Variants in NBEAL1 observed in about 807,000 individuals in gnomAD.
NBEAL1 encodes neurobeachin like 1.
A neutral mutation model predicts 351.3 loss-of-function variants in NBEAL1; 273 were observed. That is an observed-to-expected ratio of 0.78 (90% CI 0.70 to 0.86). The LOEUF (loss-of-function observed/expected upper bound fraction) is 0.86, where lower values mean the gene tolerates loss of function less well. Among genes scored for constraint, NBEAL1 ranks in the 40% least tolerant of loss-of-function variants. NBEAL1 has a pLI of 0.00. For synonymous variants in NBEAL1, 1,050 were observed against 1,086.4 expected, an observed-to-expected ratio of 0.97 and a Z score of 0.66; for missense variants, 2,961 against 3,201.3, an observed-to-expected ratio of 0.92 and a Z score of 1.81.
intron 24 of NBEAL1, among the ~76,000 whole-genome samples, chr2:203,129,930 G>T (rs1251387775): frequency 2.6e-5 from 4 of 152,228 alleles, no homozygotes; most frequent in Non-Finnish European, 5.9e-5. Context: ...GGTGCAGTGA[G>T]CTGGGTGGAT....
intron 21 of NBEAL1, 62 bp downstream of exon 21, chr2:203,126,155 A>G: frequency 7.1e-7 from 1 of 1,411,364 alleles, no homozygotes; most frequent in Admixed American, 3.0e-5. Context: ...TGATGTTGGG[A>G]TTTTTTCTTC....
chr2:203,151,322 ACT>A (rs1343616759), intron 34 of NBEAL1, 141 bp from the exon 35 acceptor site: 8 of 531,064 alleles, frequency 1.5e-5, no homozygotes, highest in Admixed American at 4.0e-5. Context: ...ACAGAATGAG[ACT>A]CTGTCTCTGA....
At chr2:203,073,209 G>A (rs1372944510) in intron 7 of NBEAL1, among the ~76,000 whole-genome samples, 1 of 152,022 alleles carries the variant, frequency 6.6e-6, no homozygotes, top group African/African-American at 2.4e-5. Flanking sequence ...AGTGTGAAAA[G>A]GTTTTAAATT....
At chr2:203,097,205 C>T (rs925967589) in intron 10 of NBEAL1, among the ~76,000 whole-genome samples, 6 of 152,152 alleles carry the variant, frequency 3.9e-5, no homozygotes, top group African/African-American at 1.4e-4. Context: ...TGGGGAGCTA[C>T]AATTCAAGAT....
intron 36 of NBEAL1, among the ~76,000 whole-genome samples, chr2:203,162,858 A>G (rs2064010950): frequency 6.6e-6 from 1 of 151,622 alleles, no homozygotes; most frequent in South Asian, 2.1e-4. Flanking sequence ...AAAAATATAT[A>G]TATAGTCTTC....
At chr2:203,139,557 C>CTTTTTTTTTTTTTTTTTT (rs370861737) in intron 31 of NBEAL1, among the ~76,000 whole-genome samples, 1 of 67,666 alleles carries the variant, frequency 1.5e-5, no homozygotes, top group Non-Finnish European at 2.7e-5. Flanking sequence ...CCACCCCCAC[C>CTTTTTTTTTTTTTTTTTT]TTTTTTTTTT....
At chr2:203,026,121 G>A (rs910499868) in intron 2 of NBEAL1, among the ~76,000 whole-genome samples, 3 of 152,140 alleles carry the variant, frequency 2.0e-5, no homozygotes, top group African/African-American at 7.2e-5. Context: ...GGATATACTT[G>A]TCTTGCTCCT....
intron 2 of NBEAL1, among the ~76,000 whole-genome samples, chr2:203,028,531 A>T (rs536587870): frequency 2.6e-4 from 40 of 151,726 alleles, no homozygotes; most frequent in African/African-American, 9.6e-4. Context: ...CAAATTATTA[A>T]TATATTTAAT....
chr2:203,036,695 C>G (rs11690221), intron 2 of NBEAL1, among the ~76,000 whole-genome samples: 75,627 of 148,214 alleles, frequency 0.51, 24,065 homozygotes, highest in Middle Eastern at 0.76. Flanking sequence ...AATGAAACAC[C>G]TCCAAATTTA....
At chr2:203,080,099 A>G (rs930071251) in intron 8 of NBEAL1, among the ~76,000 whole-genome samples, 4 of 152,164 alleles carry the variant, frequency 2.6e-5, no homozygotes, top group African/African-American at 9.7e-5. Context: ...TTAATTTTGT[A>G]AACACCATTC....
chr2:203,189,323 A>G (rs568734426), intron 45 of NBEAL1, among the ~76,000 whole-genome samples: 38 of 152,342 alleles, frequency 2.5e-4, no homozygotes, highest in Admixed American at 8.5e-4. Flanking sequence ...TTTGGCTATC[A>G]TAACCAAAAC....
intron 31 of NBEAL1, among the ~76,000 whole-genome samples, chr2:203,139,479 T>C (rs1394319633): frequency 6.6e-6 from 1 of 151,538 alleles, no homozygotes; most frequent in East Asian, 1.9e-4. Flanking sequence ...GTCTGGCTTC[T>C]GATTTACATA....
chr2:203,077,545 G>A (rs1050838843), intron 7 of NBEAL1, among the ~76,000 whole-genome samples: 3 of 152,140 alleles, frequency 2.0e-5, no homozygotes, highest in Non-Finnish European at 4.4e-5. Context: ...TGAGAACTAA[G>A]TGAGATGACG....
chr2:203,172,950 G>A lies in NBEAL1; in HGVS notation c.6323+97G>A, dbSNP rs537833937. 3.0e-3 allele frequency: 2,680 copies of A among 901,512 alleles called. 12 individuals are homozygous for A. The highest frequency in any genetic ancestry group is 2.6e-3 in the Non-Finnish European group (1,621 of 629,852). 55.8% of individuals were successfully genotyped at this position (901,512 alleles called of 1,614,324 possible). Reference sequence around the variant, plus strand: ...CAACCAAAAAAATTTTTTTTTTATCGTACTACTACTTTTGATAATCAGAGT... The same window carrying A: ...CAACCAAAAAAATTTTTTTTTTATCATACTACTACTTTTGATAATCAGAGT... On this transcript the variant is annotated intron_variant, in intron 41 of 55. Coordinates refer to ENST00000683969, the MANE Select transcript of NBEAL1 (RefSeq NM_001378026.1).
At chr2:203,054,324 G>A (rs1337704422) in intron 4 of NBEAL1, among the ~76,000 whole-genome samples, 2 of 151,928 alleles carry the variant, frequency 1.3e-5, no homozygotes, top group African/African-American at 2.4e-5. Flanking sequence ...TACTTGGGAG[G>A]CTGAGGTGGA....
At chr2:203,089,144 A>T (rs2062019296) in intron 10 of NBEAL1, among the ~76,000 whole-genome samples, 1 of 152,156 alleles carries the variant, frequency 6.6e-6, no homozygotes, top group Non-Finnish European at 1.5e-5. Context: ...AGATCATCTG[A>T]GGTCAGGAGT....
intron 2 of NBEAL1, chr2:203,040,255 A>T: frequency 1.1e-6 from 1 of 870,012 alleles, no homozygotes; most frequent in Non-Finnish European, 1.9e-6. Context: ...GCTCAGGTTT[A>T]AGCGACTGGA....
Position 203,041,791 on chromosome 2 carries a change from G to T in NBEAL1, c.78G>T (p.Trp26Cys). The change falls in exon 3 of 56, where the codon TGG (tryptophan) becomes TGT (cysteine). Residue 26 changes from tryptophan to cysteine, a missense_variant. Physicochemically the swap from Trp to Cys is radical, Grantham distance 215. Coordinates refer to ENST00000683969, the MANE Select transcript of NBEAL1 (RefSeq NM_001378026.1). ...AAGATCCAGATTACCTGAAGCTGTGGTTGGACACTTTTGTTTCTAGCTATG... is the reference window on the plus strand; with the variant it reads ...AAGATCCAGATTACCTGAAGCTGTGTTTGGACACTTTTGTTTCTAGCTATG... The part of the protein sequence containing the change: ...TKKDPDYLKL[W>C]LDTFVSSYEQ... 1.9e-6 allele frequency: 3 copies of T among 1,553,758 alleles called. No individual in the cohort carries two copies. Among genetic ancestry groups the T allele is most frequent in the Non-Finnish European group, 2.6e-6 (3 of 1,147,438 alleles).
chr2:203,189,042 TTG>T (rs2064994574), intron 45 of NBEAL1, among the ~76,000 whole-genome samples: 2 of 152,218 alleles, frequency 1.3e-5, no homozygotes, highest in South Asian at 2.1e-4. Context: ...GTTCTAAAGA[TTG>T]TGAATAGTGT....
Sources: gnomAD v4.1 joint callset for allele counts (sites outside exome capture counted in the v4.1 genomes callset) on GRCh38, gnomAD v4.1.1 for gene constraint, MANE v1.5 for transcripts, NCBI Gene and HGNC (gene_info 2026-07-23, HGNC 2026-07-21) for gene names.